The following CRB1 variants were observed in gnomAD, a reference collection of about 807,000 sequenced individuals.
CRB1 encodes crumbs cell polarity complex component 1.
Under a neutral mutation model 120.0 loss-of-function variants are expected in CRB1, and 83 were observed. The ratio of observed to expected loss-of-function variants is 0.69; its 90% confidence interval spans 0.58 to 0.83. The LOEUF (loss-of-function observed/expected upper bound fraction) is 0.83, where lower values mean the gene tolerates loss of function less well. CRB1 is among the 40% of genes least tolerant of loss of function. The pLI is 0.00. For missense variants in CRB1, 1,699 were observed against 1,687.6 expected (o/e 1.01, Z -0.12); for synonymous variants, 625 against 612.5 (o/e 1.02, Z -0.30).
intron 5 of CRB1, among the ~76,000 whole-genome samples, chr1:197,367,916 C>T (rs1558086788): frequency 6.6e-6 from 1 of 152,196 alleles, no homozygotes; most frequent in Non-Finnish European, 1.5e-5. Flanking sequence ...CGATGAGAGC[C>T]ACCTGGCAAA....
chr1:197,252,657 T>C, the CRB1 span, among the ~76,000 whole-genome samples: 1 of 142,608 alleles, frequency 7.0e-6, no homozygotes, highest in African/African-American at 2.6e-5. Flanking sequence ...CACACACATA[T>C]ATATAAAATA....
intron 2 of CRB1, among the ~76,000 whole-genome samples, chr1:197,335,622 C>T (rs1659107836): frequency 6.6e-6 from 1 of 152,074 alleles, no homozygotes; most frequent in Non-Finnish European, 1.5e-5. Context: ...CCTCAGCCTC[C>T]TTAGTAGCTG....
chr1:197,363,189 G>T (rs1660870385), intron 5 of CRB1, among the ~76,000 whole-genome samples: 1 of 150,480 alleles, frequency 6.6e-6, no homozygotes. Flanking sequence ...AGGATCAGAT[G>T]GTGTTATAAT....
At chr1:197,261,799 G>C in the CRB1 span, among the ~76,000 whole-genome samples, 1 of 152,126 alleles carries the variant, frequency 6.6e-6, no homozygotes, top group African/African-American at 2.4e-5. Context: ...AGCAAGTTGG[G>C]TGTGAATCTG....
rs530821170 is a variant in CRB1, at chr1:197,421,308, C to T, written c.1480C>T (p.Leu494=). ...ACTTTCATTTGAGGGCGATGGCTTC[C>T]TGTGGGTCAAAAGTGGCTCAGTGAC... ...TTLSFEGDGF[L]WVKSGSVTTK... Residue 494 remains leucine, a synonymous_variant, in exon 6 of 12, where the codon CTG becomes TTG. Transcript: ENST00000367400. 5.0e-6 allele frequency: 8 copies of T among 1,614,212 alleles called. 1 individual carries two copies. The Admixed American group carries it at 5.0e-5, about 10-fold the overall frequency.
chr1:197,283,449 G>A (rs555972869), intron 1 of CRB1, among the ~76,000 whole-genome samples: 21 of 151,708 alleles, frequency 1.4e-4, no homozygotes, highest in East Asian at 9.8e-4. Context: ...ATGCCTTTGC[G>A]TCCTCATAGC....
chr1:197,453,507 T>A (rs1225257200), intron 11 of CRB1, among the ~76,000 whole-genome samples: 2 of 135,010 alleles, frequency 1.5e-5, no homozygotes, highest in Admixed American at 8.4e-5. Context: ...TATATGTGTA[T>A]ATATATGTGT....
intron 11 of CRB1, among the ~76,000 whole-genome samples, chr1:197,447,193 G>A (rs934205340): frequency 6.6e-6 from 1 of 152,160 alleles, no homozygotes; most frequent in African/African-American, 2.4e-5. Flanking sequence ...AGCTGAACCA[G>A]GGAGGGATCC....
intron 5 of CRB1, among the ~76,000 whole-genome samples, chr1:197,371,702 A>G (rs930388059): frequency 4.3e-4 from 65 of 151,982 alleles, no homozygotes; most frequent in African/African-American, 1.5e-3. Context: ...CTTGCACCCA[A>G]CTCCCACAGG....
chr1:197,251,432 T>C, the CRB1 span, among the ~76,000 whole-genome samples: 1 of 152,000 alleles, frequency 6.6e-6, no homozygotes, highest in African/African-American at 2.4e-5. Flanking sequence ...GATTTTAAGC[T>C]TGTATATCAT....
intron 5 of CRB1, among the ~76,000 whole-genome samples, chr1:197,360,140 C>A (rs1660696144): frequency 1.3e-5 from 2 of 152,168 alleles, no homozygotes; most frequent in African/African-American, 4.8e-5. Context: ...CCCTACTCAG[C>A]CACATAAGAA....
At chr1:197,208,341 T>C in the CRB1 span, among the ~76,000 whole-genome samples, 1 of 152,216 alleles carries the variant, frequency 6.6e-6, no homozygotes, top group African/African-American at 2.4e-5. Flanking sequence ...ACTTCTCTTT[T>C]GGGTAGACTA....
the CRB1 span, among the ~76,000 whole-genome samples, chr1:197,252,582 A>ATATATATATG: frequency 3.2e-4 from 5 of 15,498 alleles, no homozygotes; most frequent in East Asian, 5.2e-3. Flanking sequence ...ATATATATAT[A>ATATATATATG]TGTGTGTGTG....
rs1160804740 is a variant in CRB1 at position 197,427,467 on chromosome 1, C to A, written c.2142C>A (p.Gly714=). ...TTGACATTGAAGAGTATGTGGCAGGCAGATTTGGCCAGGATGACTCCACTG... is the reference window on the plus strand; with the variant it reads ...TTGACATTGAAGAGTATGTGGCAGGAAGATTTGGCCAGGATGACTCCACTG... ...GPNCLREYVA[G]RFGQDDSTGY... The change falls in exon 7 of 12, where the codon GGC becomes GGA. Residue 714 remains glycine, a synonymous_variant. Coordinates refer to ENST00000367400, the MANE Select transcript of CRB1 (RefSeq NM_201253.3). 2 of 1,613,520 alleles carry A rather than the reference C, an allele frequency of 1.2e-6. No individual in the cohort carries two copies. The highest frequency in any genetic ancestry group is 1.3e-5 in the African/African-American group (1 of 74,784).
intron 11 of CRB1, chr1:197,443,067 T>C (rs891427813): frequency 2.8e-5 from 4 of 145,312 alleles, no homozygotes; most frequent in Non-Finnish European, 5.9e-5. Context: ...GCCGTTGCAA[T>C]GAGCCAAGAT....
At chr1:197,225,098 T>G in the CRB1 span, among the ~76,000 whole-genome samples, 2 of 152,176 alleles carry the variant, frequency 1.3e-5, no homozygotes, top group African/African-American at 2.4e-5. Flanking sequence ...AGGTATCATT[T>G]TCTCCATTTC....
chr1:197,469,569 T>A (rs1666893349), intron 11 of CRB1, among the ~76,000 whole-genome samples: 1 of 152,064 alleles, frequency 6.6e-6, no homozygotes, highest in Non-Finnish European at 1.5e-5. Flanking sequence ...ACTGAATGAG[T>A]TACACGCTCT....
At chr1:197,466,975 CAT>C (rs1292821964) in intron 11 of CRB1, among the ~76,000 whole-genome samples, 1 of 152,154 alleles carries the variant, frequency 6.6e-6, no homozygotes, top group East Asian at 1.9e-4. Flanking sequence ...AGGAAACTAA[CAT>C]GTGATGTGAT....
the CRB1 span, among the ~76,000 whole-genome samples, chr1:197,249,696 A>G: frequency 6.6e-6 from 1 of 151,996 alleles, no homozygotes; most frequent in Non-Finnish European, 1.5e-5. Context: ...TGATAGAGAT[A>G]CAAGCAGGCA....
Sources: allele counts gnomAD v4.1 joint callset (sites outside exome capture counted in the v4.1 genomes callset), GRCh38; gene constraint gnomAD v4.1.1; transcripts MANE v1.5; gene names NCBI Gene and HGNC (gene_info 2026-07-23, HGNC 2026-07-21).